PPP2R2D: variants seen among roughly 807,000 people sequenced by gnomAD.
PPP2R2D encodes the protein serine/threonine-protein phosphatase 2A 55 kDa regulatory subunit B delta isoform.
PPP2R2D carries 9 observed loss-of-function variants against 31.1 expected under a neutral mutation model. The ratio of observed to expected loss-of-function variants is 0.29; its 90% confidence interval spans 0.17 to 0.51. PPP2R2D has a LOEUF of 0.51. PPP2R2D is among the 20% of genes least tolerant of loss of function. PPP2R2D has a pLI of 0.98. For synonymous variants in PPP2R2D, 179 were observed against 172.6 expected, an observed-to-expected ratio of 1.04 and a Z score of -0.29; for missense variants, 391 against 465.6, an observed-to-expected ratio of 0.84 and a Z score of 1.48.
At chr10:131,948,224 G>A (rs1554898329) in intron 8 of PPP2R2D, among the ~76,000 whole-genome samples, 4 of 152,196 alleles carry the variant, frequency 2.6e-5, no homozygotes, top group Admixed American at 6.5e-5. Context: ...CAGACACAGC[G>A]TGGTCATGGC....
At chr10:131,946,455 G>A (rs1177839457) in intron 7 of PPP2R2D, among the ~76,000 whole-genome samples, 37 of 152,146 alleles carry the variant, frequency 2.4e-4, no homozygotes, top group African/African-American at 7.7e-4. Context: ...CCAGTGCCTC[G>A]GTGGAATGTG....
chr10:131,971,173 T>A, the PPP2R2D span: 1 of 579,238 alleles, frequency 1.7e-6, no homozygotes, highest in South Asian at 2.0e-5. Context: ...CACAGCACGC[T>A]CGCCGCCTCC....
At chr10:131,964,795 C>T (rs766346580), downstream of PPP2R2D, among the ~76,000 whole-genome samples, 3 of 150,402 alleles carry the variant, frequency 2.0e-5, no homozygotes, top group Admixed American at 2.0e-4. Flanking sequence ...GGTTCCCTTA[C>T]TGTAGGTATT....
downstream of PPP2R2D, among the ~76,000 whole-genome samples, chr10:131,961,115 C>G (rs924206680): frequency 2.1e-4 from 32 of 152,168 alleles, no homozygotes; most frequent in African/African-American, 7.2e-4. Context: ...ACTGGTGGAG[C>G]TGCAAGGGCC....
In PPP2R2D at chr10:131,956,907, G is replaced by A. The variant is rs1181309878; in HGVS notation, c.*944G>A. ...CTTTTGAAAAAGCACTTTGGGGAAA[G>A]TATACTTTTTAAACATTGCTAAAAT... On this transcript the variant is annotated 3_prime_UTR_variant, in exon 9 of 9. Coordinates refer to ENST00000455566, the MANE Select transcript of PPP2R2D (RefSeq NM_018461.5). The A allele has an allele frequency of 1.3e-5, 2 of 152,230 alleles. No individual in the cohort carries two copies. The highest frequency in any genetic ancestry group is 6.5e-5 in the Admixed American group (1 of 15,290). 9.4% of individuals were successfully genotyped at this position (152,230 alleles called of 1,614,324 possible).
At chr10:131,968,187 T>A in the PPP2R2D span, 34 of 175,194 alleles carry the variant, frequency 1.9e-4, no homozygotes, top group South Asian at 2.0e-3. Flanking sequence ...TGAATTAAGG[T>A]TGCAGATAAT....
chr10:131,960,238 G>A (rs1360511104), downstream of PPP2R2D, among the ~76,000 whole-genome samples: 6 of 152,236 alleles, frequency 3.9e-5, no homozygotes, highest in African/African-American at 7.2e-5. Context: ...AACAGGTGCG[G>A]AGAAAACTTC....
At chr10:131,915,933 A>G (rs1317412694) in intron 2 of PPP2R2D, among the ~76,000 whole-genome samples, 2 of 152,238 alleles carry the variant, frequency 1.3e-5, no homozygotes, top group African/African-American at 4.8e-5. Context: ...GAAAGTTTTT[A>G]CTTTAACCAT....
chr10:131,954,333 T>C (rs2036751303), intron 8 of PPP2R2D, among the ~76,000 whole-genome samples: 1 of 152,262 alleles, frequency 6.6e-6, no homozygotes, highest in Admixed American at 6.5e-5. Context: ...ATGGTTACTG[T>C]TGAGTTTTAA....
intron 2 of PPP2R2D, among the ~76,000 whole-genome samples, chr10:131,920,117 TCA>T (rs1374842731): frequency 1.6e-5 from 2 of 126,868 alleles, no homozygotes; most frequent in Non-Finnish European, 3.3e-5. Flanking sequence ...TGTAGGGACC[TCA>T]CGCGGGTGGA....
chr10:131,954,773 C>T (rs914395095), intron 8 of PPP2R2D, among the ~76,000 whole-genome samples: 3 of 152,160 alleles, frequency 2.0e-5, no homozygotes, highest in African/African-American at 4.8e-5. Context: ...GACGCGCCAG[C>T]GTGAAAGGCC....
At chr10:131,963,724 C>A (rs1490802240), downstream of PPP2R2D, among the ~76,000 whole-genome samples, 1 of 151,918 alleles carries the variant, frequency 6.6e-6, no homozygotes, top group Non-Finnish European at 1.5e-5. Flanking sequence ...CTTTTTTTTT[C>A]TTTTTTAGTA....
intron 3 of PPP2R2D, among the ~76,000 whole-genome samples, chr10:131,936,063 CA>C (rs879958815): frequency 3.4e-4 from 47 of 138,950 alleles, no homozygotes; most frequent in Non-Finnish European, 3.3e-4. Flanking sequence ...GACTTCATCT[CA>C]AAAAAAAAAA....
chr10:131,901,339 C>T lies in PPP2R2D; in HGVS notation c.100+9C>T, dbSNP rs1353846545. The T allele has an allele frequency of 8.4e-6, 3 of 356,554 alleles. No individual in the cohort carries two copies. The highest frequency in any genetic ancestry group is 9.4e-5 in the Admixed American group (2 of 21,204). 22.1% of individuals were successfully genotyped at this position (356,554 alleles called of 1,614,324 possible). A position where few individuals can be genotyped will look rare whatever the true frequency, so the allele number is the denominator to read the frequency against. ...CGAGGACGTGGCCGAAGGTGAGCCC[C>T]GCGCCGCGCCCCGCCCCGGGACCCT... is the stretch of plus-strand genomic sequence containing the variant. On this transcript the variant is annotated intron_variant, in intron 2 of 8. Transcript: ENST00000455566.
chr10:131,932,455 C>A (rs886405275), intron 2 of PPP2R2D, among the ~76,000 whole-genome samples: 1 of 151,866 alleles, frequency 6.6e-6, no homozygotes, highest in Non-Finnish European at 1.5e-5. Flanking sequence ...TGACGTGAGG[C>A]CAGGAATTCG....
intron 2 of PPP2R2D, among the ~76,000 whole-genome samples, chr10:131,904,509 C>CA (rs1199167210): frequency 4.5e-4 from 65 of 143,088 alleles, no homozygotes; most frequent in African/African-American, 6.1e-4. Context: ...GACTTTGTCT[C>CA]AAAAAAAAAA....
chr10:131,961,286 T>C (rs886817082), downstream of PPP2R2D, among the ~76,000 whole-genome samples: 33 of 152,130 alleles, frequency 2.2e-4, no homozygotes, highest in African/African-American at 7.5e-4. Flanking sequence ...ACAGTGGGCT[T>C]CTCTGCACAG....
At chr10:131,902,609 CT>C (rs1250588250) in intron 2 of PPP2R2D, among the ~76,000 whole-genome samples, 1 of 152,096 alleles carries the variant, frequency 6.6e-6, no homozygotes, top group Admixed American at 6.6e-5. Context: ...AAATGCATTA[CT>C]TTTTTTGTTT....
At chr10:131,906,476 T>C (rs932473079) in intron 2 of PPP2R2D, among the ~76,000 whole-genome samples, 110 of 152,332 alleles carry the variant, frequency 7.2e-4, no homozygotes, top group Middle Eastern at 6.8e-3. Flanking sequence ...TGGGGAGTTA[T>C]GTAAGTAACA....
Sources: gnomAD v4.1 joint callset for allele counts (sites outside exome capture counted in the v4.1 genomes callset) on GRCh38, gnomAD v4.1.1 for gene constraint, MANE v1.5 for transcripts, NCBI Gene and HGNC (gene_info 2026-07-23, HGNC 2026-07-21) for gene names.